CFAP47: variants seen among roughly 807,000 people sequenced by gnomAD.
The protein encoded by CFAP47 is cilia- and flagella-associated protein 47.
CFAP47 carries 29 observed loss-of-function variants against 148.1 expected under a neutral mutation model. That is an observed-to-expected ratio of 0.20 (90% CI 0.15 to 0.27). CFAP47 has a LOEUF of 0.27. Ranked by LOEUF, CFAP47 falls within the 10% of genes least tolerant of loss-of-function variation. The pLI is 1.00. For missense variants in CFAP47, 1,872 were observed against 1,697.5 expected (o/e 1.10, Z -1.81); for synonymous variants, 664 against 577.3 (o/e 1.15, Z -2.15).
At chrX:36,218,734 T>C (rs1190856056) in intron 45 of CFAP47, among the ~76,000 whole-genome samples, 2 of 112,139 alleles carry the variant, frequency 1.8e-5, no homozygotes, top group African/African-American at 6.5e-5. Context: ...TTTGGTTTTA[T>C]ACATTTTAGG....
At chrX:35,934,786 G>T (rs1238531422) in intron 2 of CFAP47, among the ~76,000 whole-genome samples, 1 of 110,780 alleles carries the variant, frequency 9.0e-6, no homozygotes, top group East Asian at 2.9e-4. Context: ...GATGAATCTT[G>T]CCAGGATTGG....
rs1281491049 is a variant in CFAP47 at position 36,038,924 on chromosome X, T to G, written c.3812-60T>G. On this transcript the variant is annotated intron_variant, in intron 24 of 63. Coordinates refer to ENST00000378653, the MANE Select transcript of CFAP47 (RefSeq NM_001304548.2). ...TTGAAATTTAGTAATAGTTCAGCTA[T>G]GTAAATTTTTTGTGTGTTTTAACTA... 1.2e-4 allele frequency: 64 copies of G among 530,542 alleles called. 1 individual carries two copies. Among genetic ancestry groups the G allele is most frequent in the Non-Finnish European group, 4.5e-5 (16 of 352,100 alleles). The allele number at this position is 530,542 out of a possible 1,213,427, so 43.7% of individuals were successfully genotyped here.
intron 29 of CFAP47, among the ~76,000 whole-genome samples, chrX:36,075,522 A>G (rs1271331516): frequency 8.9e-6 from 1 of 112,167 alleles, no homozygotes; most frequent in Non-Finnish European, 1.9e-5. Context: ...CACTGCGCCC[A>G]GCCTGTTGTT....
rs369768354 is a variant in CFAP47, at chrX:36,319,927, G to T, written c.8443+620G>T. On this transcript the variant is annotated intron_variant, in intron 57 of 63. Coordinates refer to ENST00000378653, the MANE Select transcript of CFAP47 (RefSeq NM_001304548.2). Reference sequence around the variant, plus strand: ...TGCAACCTCTGCCTCCCAGGTTCGAGCAATTCTCCTGTCTCAGCCTCCCAA... The same window carrying T: ...TGCAACCTCTGCCTCCCAGGTTCGATCAATTCTCCTGTCTCAGCCTCCCAA... Among the ~76,000 whole-genome samples the T allele has an allele frequency of 6.3e-5, 7 of 111,307 alleles. No individual in the cohort carries two copies. In the East Asian group the frequency reaches 2.0e-3, roughly 32 times the overall value.
In CFAP47 at chrX:35,941,225, G is replaced by T; in HGVS notation, c.402-58G>T. 3 of 610,571 alleles carry T rather than the reference G, an allele frequency of 4.9e-6. No homozygotes were observed. The South Asian group carries it at 8.2e-5, about 17-fold the overall frequency. 50.3% of individuals were successfully genotyped at this position (610,571 alleles called of 1,213,427 possible). A position where few individuals can be genotyped will look rare whatever the true frequency, so the allele number is the denominator to read the frequency against. Reference sequence around the variant, plus strand: ...CCATCTATATTCCCCTACATATTTAGCTATCAGGCTCTTATGATTGTTAAA... The same window carrying T: ...CCATCTATATTCCCCTACATATTTATCTATCAGGCTCTTATGATTGTTAAA... On this transcript the variant is annotated intron_variant, in intron 2 of 63. Coordinates refer to ENST00000378653, the MANE Select transcript of CFAP47 (RefSeq NM_001304548.2).
chrX:36,027,005 T>A (rs1937224800), intron 22 of CFAP47, among the ~76,000 whole-genome samples: 1 of 107,707 alleles, frequency 9.3e-6, no homozygotes, highest in Admixed American at 1.0e-4. Flanking sequence ...CAGTGTTTCC[T>A]CTTTGAAGCT....
chrX:36,356,838 T>A (rs1290652067), intron 60 of CFAP47, among the ~76,000 whole-genome samples: 2 of 111,930 alleles, frequency 1.8e-5, no homozygotes, highest in African/African-American at 3.2e-5. Context: ...ATTAATCACA[T>A]ACTTGTCTTC....
intron 49 of CFAP47, among the ~76,000 whole-genome samples, chrX:36,266,744 G>A (rs1380168106): frequency 7.2e-5 from 8 of 110,920 alleles, no homozygotes; most frequent in Non-Finnish European, 1.1e-4. Flanking sequence ...GGAGGTCAGT[G>A]GGGCATGCAG....
chrX:36,360,374 G>A (rs1002293999), intron 60 of CFAP47, among the ~76,000 whole-genome samples: 12 of 111,646 alleles, frequency 1.1e-4, no homozygotes, highest in African/African-American at 3.9e-4. Context: ...GGCCATGACT[G>A]GGGACACATC....
intron 30 of CFAP47, among the ~76,000 whole-genome samples, chrX:36,087,896 G>A (rs1938116348): frequency 9.0e-6 from 1 of 111,536 alleles, no homozygotes. Flanking sequence ...TTTTCTCAGA[G>A]TTCTGGATGC....
intron 45 of CFAP47, among the ~76,000 whole-genome samples, chrX:36,223,416 A>G: frequency 9.0e-6 from 1 of 110,754 alleles, no homozygotes; most frequent in South Asian, 3.7e-4. Context: ...CTTATAATAA[A>G]TATTATACAA....
chrX:36,208,583 G>A (rs1339424550), intron 45 of CFAP47, among the ~76,000 whole-genome samples: 1 of 111,589 alleles, frequency 9.0e-6, no homozygotes, highest in African/African-American at 3.3e-5. Context: ...CTCATTTTAC[G>A]AAGATTAAAT....
intron 7 of CFAP47, among the ~76,000 whole-genome samples, chrX:35,953,977 G>C (rs1312308472): frequency 9.1e-6 from 1 of 110,374 alleles, no homozygotes; most frequent in Non-Finnish European, 1.9e-5. Flanking sequence ...GATGATCTAG[G>C]GTTTAAGGAA....
intron 3 of CFAP47, 65 bp from the exon 4 acceptor site, chrX:35,948,249 A>G (rs1936112909): frequency 1.6e-5 from 16 of 1,014,682 alleles, no homozygotes; most frequent in South Asian, 2.2e-5. Flanking sequence ...TTGGTCCCCT[A>G]CTGAGAGTGT....
intron 57 of CFAP47, among the ~76,000 whole-genome samples, chrX:36,329,963 A>G (rs6632573): frequency 0.12 from 13,170 of 111,728 alleles, 623 homozygotes; most frequent in East Asian, 0.26. Context: ...TATTTTGCTA[A>G]ATTCTTATAT....
intron 21 of CFAP47, among the ~76,000 whole-genome samples, chrX:36,005,488 C>G (rs746857548): frequency 9.0e-6 from 1 of 111,450 alleles, no homozygotes; most frequent in Admixed American, 9.6e-5. Flanking sequence ...GTGCATTTAC[C>G]TAGTTTATCT....
At chrX:36,222,809 AAT>A (rs1473745544) in intron 45 of CFAP47, among the ~76,000 whole-genome samples, 1 of 111,405 alleles carries the variant, frequency 9.0e-6, no homozygotes, top group Non-Finnish European at 1.9e-5. Flanking sequence ...TGCCTACAAA[AAT>A]ATAATAATAT....
intron 15 of CFAP47, among the ~76,000 whole-genome samples, chrX:35,985,666 T>C (rs990205291): frequency 3.6e-5 from 4 of 111,669 alleles, no homozygotes; most frequent in African/African-American, 1.3e-4. Context: ...CTAGGGCTAC[T>C]GGAAATGACA....
chrX:35,936,247 C>T (rs1935909079), intron 2 of CFAP47, among the ~76,000 whole-genome samples: 1 of 111,406 alleles, frequency 9.0e-6, no homozygotes, highest in Admixed American at 9.6e-5. Context: ...TTCTATTAAT[C>T]GAGCTTCCAT....
Sources: allele counts gnomAD v4.1 joint callset (sites outside exome capture counted in the v4.1 genomes callset), GRCh38; gene constraint gnomAD v4.1.1; transcripts MANE v1.5; gene names NCBI Gene and HGNC (gene_info 2026-07-23, HGNC 2026-07-21).